PCDH15: variants seen among roughly 807,000 people sequenced by gnomAD.
PCDH15 encodes protocadherin related 15.
In PCDH15, 129 loss-of-function variants were observed where a neutral mutation model predicts 178.5. The observed-to-expected ratio is 0.72, with a 90% CI of 0.63 to 0.84. The LOEUF (loss-of-function observed/expected upper bound fraction) is 0.84, where lower values mean the gene tolerates loss of function less well. PCDH15 is among the 40% of genes least tolerant of loss of function. The probability of loss-of-function intolerance (pLI) is 0.00; values close to 1 mark genes in which losing one functional copy is unlikely to be tolerated. For synonymous variants in PCDH15, 800 were observed against 732.0 expected, an observed-to-expected ratio of 1.09 and a Z score of -1.50; for missense variants, 2,230 against 2,099.9, an observed-to-expected ratio of 1.06 and a Z score of -1.21.
At position 55,547,910 on chromosome 10, in the gene PCDH15, T is replaced by TGTGTGAGAGAGAGAGAGA. The variant is rs541144266; in HGVS notation, c.-156+79714_-156+79715insTCTCTCTCTCTCTCACAC. On this transcript the variant is annotated intron_variant, in intron 2 of 5. Coordinates refer to the PCDH15 transcript ENST00000613346. ...TGGTGTGTGTGTCTGTGTGTGTGTGTGAGAGAGAGAGAGAGAGAGAGAGAG... is the reference window on the plus strand; with the variant it reads ...TGGTGTGTGTGTCTGTGTGTGTGTGTGTGTGAGAGAGAGAGAGAGAGAGAGAGAGAGAGAGAGAGAGAG... Among the ~76,000 whole-genome samples, 85 of 54,516 alleles carry TGTGTGAGAGAGAGAGAGA rather than the reference T, an allele frequency of 1.6e-3. 2 individuals carry two copies. The highest frequency in any genetic ancestry group is 5.6e-3 in the African/African-American group (70 of 12,392). 35.8% of individuals were successfully genotyped at this position (54,516 alleles called of 152,430 possible).
chr10:54,911,532 C>A lies in PCDH15; in HGVS notation c.-79-14032G>T, dbSNP rs377764346. Among the ~76,000 whole-genome samples, 15 of 152,262 alleles carry A rather than the reference C, an allele frequency of 9.9e-5. No individual in the cohort carries two copies. In the East Asian group the frequency reaches 2.9e-3, roughly 29 times the overall value. On this transcript the variant is annotated intron_variant, in intron 2 of 5. Transcript: ENST00000458638. ...AGAGCACAGTACCTAGAGAAACACA[C>A]ACTCAACTTTACTCTTTTTAACTTT...
chr10:55,146,577 C>A (rs1431511713), intron 2 of PCDH15, among the ~76,000 whole-genome samples: 1 of 151,814 alleles, frequency 6.6e-6, no homozygotes, highest in South Asian at 2.1e-4. Flanking sequence ...TAATTTGTAA[C>A]AAGACATTAA....
intron 8 of PCDH15, among the ~76,000 whole-genome samples, chr10:54,242,863 T>C (rs1030444860): frequency 6.6e-6 from 1 of 152,174 alleles, no homozygotes; most frequent in Non-Finnish European, 1.5e-5. Context: ...TCTGAGCTCA[T>C]ATAAGTACAC....
chr10:55,079,830 G>A (rs1168923982), intron 2 of PCDH15, among the ~76,000 whole-genome samples: 1 of 152,088 alleles, frequency 6.6e-6, no homozygotes, highest in Non-Finnish European at 1.5e-5. Flanking sequence ...TGCCAGAGGT[G>A]GTGCAATAGC....
chr10:54,794,541 G>A (rs1038356490), intron 1 of PCDH15, among the ~76,000 whole-genome samples: 2 of 151,786 alleles, frequency 1.3e-5, no homozygotes, highest in African/African-American at 2.4e-5. Flanking sequence ...TCCAAATGGA[G>A]TATTTTATTT....
intron 2 of PCDH15, among the ~76,000 whole-genome samples, chr10:55,498,182 A>G (rs1307110044): frequency 6.6e-6 from 1 of 151,868 alleles, no homozygotes; most frequent in Non-Finnish European, 1.5e-5. Context: ...TTAAAGTCGA[A>G]ATTACATTTA....
chr10:55,425,423 T>C (rs2132050342), intron 2 of PCDH15, among the ~76,000 whole-genome samples: 1 of 152,204 alleles, frequency 6.6e-6, no homozygotes, highest in South Asian at 2.1e-4. Flanking sequence ...GTTGATGTAT[T>C]ATCATAATTA....
chr10:54,294,696 T>C (rs199974918), intron 8 of PCDH15, among the ~76,000 whole-genome samples: 2 of 93,668 alleles, frequency 2.1e-5, no homozygotes, highest in African/African-American at 4.1e-5. Context: ...GACACACACA[T>C]GAGTCAATCT....
At chr10:55,158,294 A>G (rs1475041217) in intron 2 of PCDH15, among the ~76,000 whole-genome samples, 3 of 152,048 alleles carry the variant, frequency 2.0e-5, no homozygotes, top group African/African-American at 7.2e-5. Flanking sequence ...CTGATCTGGT[A>G]TATGGATACT....
At chr10:54,000,284 T>C (rs1056513076) in intron 20 of PCDH15, among the ~76,000 whole-genome samples, 5 of 151,712 alleles carry the variant, frequency 3.3e-5, no homozygotes, top group African/African-American at 1.2e-4. Context: ...CAGACAAACA[T>C]CCACAAGCAT....
intron 2 of PCDH15, among the ~76,000 whole-genome samples, chr10:55,463,669 C>T (rs1381928351): frequency 1.3e-5 from 2 of 151,766 alleles, no homozygotes; most frequent in East Asian, 1.9e-4. Flanking sequence ...GAAAGCCATG[C>T]TACTAAATGT....
chr10:55,558,837 T>C (rs925396034), intron 2 of PCDH15, among the ~76,000 whole-genome samples: 2 of 152,118 alleles, frequency 1.3e-5, no homozygotes, highest in African/African-American at 2.4e-5. Context: ...TCTTTTAGTA[T>C]TGCCTATAAT....
intron 29 of PCDH15, among the ~76,000 whole-genome samples, chr10:53,835,430 A>G (rs2077249870): frequency 6.6e-6 from 1 of 152,184 alleles, no homozygotes; most frequent in Admixed American, 6.5e-5. Context: ...GCAGAAAGCC[A>G]CAAGAGAATA....
At chr10:54,329,181 A>ATTAGCACTTTAATTAGCTTCT (rs202105521) in intron 7 of PCDH15, among the ~76,000 whole-genome samples, 10,723 of 151,938 alleles carry the variant, frequency 0.071, 490 homozygotes, top group African/African-American at 0.12. Context: ...GTACCTTAGA[A>ATTAGCACTTTAATTAGCTTCT]TTCCCTGAAG....
intron 2 of PCDH15, among the ~76,000 whole-genome samples, chr10:55,016,086 A>T (rs940230635): frequency 1.9e-5 from 2 of 104,802 alleles, no homozygotes; most frequent in Non-Finnish European, 3.6e-5. Context: ...CACCTCAATG[A>T]CCTTTTTTTT....
At chr10:54,910,478 C>T (rs1025522031) in intron 2 of PCDH15, among the ~76,000 whole-genome samples, 3 of 152,042 alleles carry the variant, frequency 2.0e-5, no homozygotes, top group African/African-American at 4.8e-5. Flanking sequence ...CAGAAAATAA[C>T]AAATAACATT....
intron 8 of PCDH15, among the ~76,000 whole-genome samples, chr10:54,253,481 T>C (rs2056663029): frequency 6.6e-6 from 1 of 152,042 alleles, no homozygotes; most frequent in African/African-American, 2.4e-5. Context: ...TTTATTGACT[T>C]CCTCTAGTTC....
intron 4 of PCDH15, among the ~76,000 whole-genome samples, chr10:54,377,872 A>T (rs574674190): frequency 6.6e-6 from 1 of 151,694 alleles, no homozygotes; most frequent in East Asian, 1.9e-4. Flanking sequence ...ATACCTATTA[A>T]TTTTTTTTTA....
chr10:55,074,573 T>A (rs567393125), intron 2 of PCDH15, among the ~76,000 whole-genome samples: 1 of 152,262 alleles, frequency 6.6e-6, no homozygotes, highest in South Asian at 2.1e-4. Context: ...TATGGGGGTT[T>A]TTTTGTAAAT....
Sources: gnomAD v4.1 joint callset for allele counts (sites outside exome capture counted in the v4.1 genomes callset) on GRCh38, gnomAD v4.1.1 for gene constraint, MANE v1.5 for transcripts, NCBI Gene and HGNC (gene_info 2026-07-23, HGNC 2026-07-21) for gene names.